NELL1: variants seen among roughly 807,000 people sequenced by gnomAD.
NELL1 encodes protein kinase C-binding protein NELL1.
NELL1 carries 76 observed loss-of-function variants against 107.4 expected under a neutral mutation model. The ratio of observed to expected loss-of-function variants is 0.71; its 90% CI spans 0.59 to 0.86. The LOEUF is 0.86. NELL1 is among the 40% of genes least tolerant of loss of function. The probability of loss-of-function intolerance (pLI) is 0.00; values close to 1 mark genes in which losing one functional copy is unlikely to be tolerated. For missense variants in NELL1, 1,024 were observed against 1,005.5 expected, an observed-to-expected ratio of 1.02 and a Z score of -0.25; for synonymous variants, 353 against 341.2, an observed-to-expected ratio of 1.03 and a Z score of -0.38.
chr11:21,242,024 T>A (rs1858375247), intron 14 of NELL1, among the ~76,000 whole-genome samples: 1 of 151,922 alleles, frequency 6.6e-6, no homozygotes, highest in African/African-American at 2.4e-5. Flanking sequence ...TGTTTCACAT[T>A]TCCTTGTCTG....
chr11:21,513,943 C>T (rs1014986227), intron 15 of NELL1, among the ~76,000 whole-genome samples: 1 of 152,120 alleles, frequency 6.6e-6, no homozygotes, highest in Non-Finnish European at 1.5e-5. Context: ...CCTGGGATTC[C>T]AGGCATTGTG....
At chr11:20,730,987 T>A (rs182959204) in intron 2 of NELL1, among the ~76,000 whole-genome samples, 2 of 152,308 alleles carry the variant, frequency 1.3e-5, no homozygotes, top group Admixed American at 1.3e-4. Flanking sequence ...CTGAAGATTT[T>A]CTTTGGTCAT....
intron 2 of NELL1, among the ~76,000 whole-genome samples, chr11:20,775,128 C>T (rs1856724446): frequency 6.6e-6 from 1 of 152,032 alleles, no homozygotes. Context: ...CTTACAATAA[C>T]TCTCAGAGAA....
At chr11:21,149,430 C>T (rs528219327) in intron 13 of NELL1, among the ~76,000 whole-genome samples, 28 of 152,306 alleles carry the variant, frequency 1.8e-4, no homozygotes, top group Non-Finnish European at 3.5e-4. Context: ...AGCAAAGTCA[C>T]ATTTTACATG....
chr11:21,540,843 A>C (rs1856274832), intron 16 of NELL1, among the ~76,000 whole-genome samples: 1 of 152,086 alleles, frequency 6.6e-6, no homozygotes, highest in Non-Finnish European at 1.5e-5. Context: ...AAACCATATC[A>C]CTGGCTTATT....
rs147311820 is a variant in NELL1, at chr11:21,166,056, A to C, written c.1426+52342A>C. 2.0e-4 allele frequency among the ~76,000 whole-genome samples: 31 copies of C among 151,850 alleles called. 2 individuals are homozygous for C. In the East Asian group the frequency reaches 4.6e-3, roughly 23 times the overall value. On this transcript the variant is annotated intron_variant, in intron 13 of 19. Coordinates refer to ENST00000357134, the MANE Select transcript of NELL1 (RefSeq NM_006157.5). ...AGGGGTAAGCCACCGTGCCTGGCCC[A>C]AGATCTTGTTATTTGCAACAACATG... is the stretch of plus-strand genomic sequence containing the variant.
intron 13 of NELL1, among the ~76,000 whole-genome samples, chr11:21,176,483 C>T (rs34409388): frequency 0.01 from 1,521 of 151,924 alleles, 43 homozygotes; most frequent in East Asian, 0.097. Context: ...TCTGGCCCAC[C>T]TGAGGTTTAT....
intron 13 of NELL1, among the ~76,000 whole-genome samples, chr11:21,191,613 GT>G (rs2133836440): frequency 6.6e-6 from 1 of 151,992 alleles, no homozygotes; most frequent in African/African-American, 2.4e-5. Flanking sequence ...TGATGCTTCA[GT>G]TTTCTCATTT....
At chr11:20,941,836 A>G (rs956159623) in intron 10 of NELL1, among the ~76,000 whole-genome samples, 2 of 152,116 alleles carry the variant, frequency 1.3e-5, no homozygotes, top group African/African-American at 4.8e-5. Flanking sequence ...TAGTCCTAGG[A>G]ATGCAAGAGT....
At chr11:21,215,027 T>C (rs959943673) in intron 13 of NELL1, among the ~76,000 whole-genome samples, 3 of 152,212 alleles carry the variant, frequency 2.0e-5, no homozygotes, top group African/African-American at 7.2e-5. Context: ...TATAGGATGC[T>C]GATATGGTTT....
chr11:21,224,248 A>ATT (rs1857834695), intron 13 of NELL1, among the ~76,000 whole-genome samples: 1 of 151,894 alleles, frequency 6.6e-6, no homozygotes, highest in Admixed American at 6.6e-5. Context: ...TTATTTTATT[A>ATT]TTATTATTTT....
intron 13 of NELL1, among the ~76,000 whole-genome samples, chr11:21,139,224 C>T (rs1014921630): frequency 2.0e-5 from 3 of 152,136 alleles, no homozygotes; most frequent in African/African-American, 7.2e-5. Flanking sequence ...TTCTCACTTG[C>T]CTTTGCTGTT....
At chr11:20,723,220 C>G (rs1855432366) in intron 2 of NELL1, among the ~76,000 whole-genome samples, 1 of 152,192 alleles carries the variant, frequency 6.6e-6, no homozygotes. Context: ...CCTAACTGTT[C>G]TGTAAAGTCT....
At chr11:21,162,921 C>G (rs1856404270) in intron 13 of NELL1, among the ~76,000 whole-genome samples, 1 of 151,874 alleles carries the variant, frequency 6.6e-6, no homozygotes, top group African/African-American at 2.4e-5. Flanking sequence ...GGTATATACC[C>G]AAGATGTTTA....
At chr11:20,993,265 A>G (rs748744308) in intron 12 of NELL1, among the ~76,000 whole-genome samples, 35 of 152,274 alleles carry the variant, frequency 2.3e-4, no homozygotes, top group Middle Eastern at 3.4e-3. Context: ...TCATGATGTC[A>G]TGATTGCTGA....
At chr11:21,127,388 C>T (rs1181716785) in intron 13 of NELL1, among the ~76,000 whole-genome samples, 1 of 152,012 alleles carries the variant, frequency 6.6e-6, no homozygotes, top group East Asian at 1.9e-4. Context: ...TGAGGCTAGG[C>T]ATTCAAAACC....
chr11:20,773,431 C>G (rs1290156783), intron 2 of NELL1: 1 of 151,902 alleles, frequency 6.6e-6, no homozygotes, highest in African/African-American at 2.4e-5. Context: ...AATGAGGAAG[C>G]TGAGGCACAG....
At position 21,500,505 on chromosome 11, in the gene NELL1, T is replaced by G. The variant is rs377100015; in HGVS notation, c.1646-33869T>G. On this transcript the variant is annotated intron_variant, in intron 15 of 19. Transcript: ENST00000357134. ...CAATTTATTATTTGTCCTTTATGAC[T>G]TTAATATTTTATTTCACCACAATAT... is the stretch of plus-strand genomic sequence containing the variant. Among the ~76,000 whole-genome samples, 51 of 152,260 alleles carry G rather than the reference T, an allele frequency of 3.3e-4. No homozygotes were observed. The South Asian group carries it at 0.01, about 31-fold the overall frequency.
chr11:21,118,115 AT>A (rs1855280611), intron 13 of NELL1, among the ~76,000 whole-genome samples: 1 of 152,048 alleles, frequency 6.6e-6, no homozygotes, highest in African/African-American at 2.4e-5. Flanking sequence ...ATTAATTACA[AT>A]ATTAGGCACA....
Sources: allele counts gnomAD v4.1 joint callset (sites outside exome capture counted in the v4.1 genomes callset), GRCh38; gene constraint gnomAD v4.1.1; transcripts MANE v1.5; gene names NCBI Gene and HGNC (gene_info 2026-07-23, HGNC 2026-07-21).